The following GFI1B variants were observed in gnomAD, a reference collection of about 807,000 sequenced individuals.
The protein encoded by GFI1B is zinc finger protein Gfi-1b.
A neutral mutation model predicts 35.3 loss-of-function variants in GFI1B; 20 were observed. The ratio of observed to expected loss-of-function variants is 0.57; its 90% CI spans 0.40 to 0.82. GFI1B has a LOEUF of 0.82. Among genes scored for constraint, GFI1B ranks in the 40% least tolerant of loss-of-function variants. GFI1B has a pLI of 0.00. For missense variants in GFI1B, 430 were observed against 446.3 expected (o/e 0.96, Z 0.33); for synonymous variants, 178 against 177.6 (o/e 1.00, Z -0.02).
At chr9:132,970,971 A>G (rs1848524744) in intron 1 of GFI1B, among the ~76,000 whole-genome samples, 1 of 152,242 alleles carries the variant, frequency 6.6e-6, no homozygotes, top group South Asian at 2.1e-4. Flanking sequence ...CCCTGCCGCA[A>G]CTAAGACTGC....
chr9:132,978,157 A>C (rs931657126), upstream of GFI1B, among the ~76,000 whole-genome samples: 1 of 148,724 alleles, frequency 6.7e-6, no homozygotes, highest in Non-Finnish European at 1.5e-5. Context: ...GGAGGGAGGA[A>C]AGGAGGGAAG....
chr9:132,978,190 AGGAG>A (rs1188113275), upstream of GFI1B, among the ~76,000 whole-genome samples: 3 of 142,876 alleles, frequency 2.1e-5, no homozygotes, highest in Non-Finnish European at 3.1e-5. Flanking sequence ...GAGGAGGAGA[AGGAG>A]GGAGGGAGGG....
chr9:132,974,601 C>CAA (rs11243966), upstream of GFI1B, among the ~76,000 whole-genome samples: 8,743 of 79,192 alleles, frequency 0.11, 682 homozygotes, highest in African/African-American at 0.15. Context: ...GAATCCGTCT[C>CAA]AAAAAAAAAA....
intron 1 of GFI1B, chr9:132,953,702 C>T (rs1344657530): frequency 8.5e-5 from 13 of 152,114 alleles, no homozygotes; most frequent in Non-Finnish European, 1.6e-4. Flanking sequence ...AATCCCAGCA[C>T]TTTGGGAGGC....
intron 1 of GFI1B, chr9:132,946,666 T>A (rs1236868874): frequency 6.6e-6 from 1 of 152,306 alleles, no homozygotes; most frequent in African/African-American, 2.4e-5. Flanking sequence ...CAGAGATTTC[T>A]GAGACCACCA....
intron 1 of GFI1B, among the ~76,000 whole-genome samples, chr9:132,969,176 G>C (rs188691445): frequency 1.3e-5 from 2 of 151,878 alleles, no homozygotes; most frequent in Admixed American, 1.3e-4. Context: ...CTACAGGCGC[G>C]CACCACCAGG....
intron 2 of GFI1B, among the ~76,000 whole-genome samples, chr9:132,973,245 G>A (rs28372283): frequency 0.051 from 7,840 of 152,236 alleles, 329 homozygotes; most frequent in East Asian, 0.17. Flanking sequence ...TCGTAGCCCC[G>A]GTGCCACCCG....
chr9:132,947,316 A>C (rs1848129328), intron 1 of GFI1B: 1 of 151,948 alleles, frequency 6.6e-6, no homozygotes, highest in African/African-American at 2.4e-5. Flanking sequence ...CCCAGGCCAC[A>C]GCAGGTGGAC....
At chr9:132,964,798 G>A (rs1289293143) in intron 1 of GFI1B, among the ~76,000 whole-genome samples, 1 of 143,882 alleles carries the variant, frequency 7.0e-6, no homozygotes, top group Non-Finnish European at 1.5e-5. Context: ...GGAGTGCAGT[G>A]GCGTGATCTC....
In GFI1B at chr9:132,989,941, C is replaced by T. The variant is rs758496657; in HGVS notation, c.814+34C>T. The T allele has an allele frequency of 1.3e-6, 2 of 1,591,502 alleles. No individual in the cohort carries two copies. Among genetic ancestry groups the T allele is most frequent in the South Asian group, 2.2e-5 (2 of 90,564 alleles). ...GTCTCACCTGCCTGTGCCCCCTGGGCAGAGCACCCCCACCTTTCCCTGAGA... is the reference window on the plus strand; with the variant it reads ...GTCTCACCTGCCTGTGCCCCCTGGGTAGAGCACCCCCACCTTTCCCTGAGA... On this transcript the variant is annotated intron_variant, in intron 6 of 6. Transcript: ENST00000372122. This position sits in a 1 kb window ranked among gnomAD's most constrained non-coding sequence, Gnocchi z 6.2.
chr9:132,973,698 G>A (rs1848573680), upstream of GFI1B, among the ~76,000 whole-genome samples: 1 of 152,202 alleles, frequency 6.6e-6, no homozygotes. Context: ...AGGGGAACAG[G>A]TGAGGCAAGA....
chr9:132,947,845 C>A (rs1255964378), intron 1 of GFI1B, among the ~76,000 whole-genome samples: 2 of 148,484 alleles, frequency 1.3e-5, no homozygotes, highest in East Asian at 2.0e-4. Flanking sequence ...ACTAAAGTGA[C>A]ATACAGGAAT....
intron 1 of GFI1B, chr9:132,946,577 A>G (rs1454298009): frequency 6.6e-6 from 1 of 152,206 alleles, no homozygotes; most frequent in Non-Finnish European, 1.5e-5. Flanking sequence ...AGTTCCACCA[A>G]TCTGCAAACT....
intron 1 of GFI1B, among the ~76,000 whole-genome samples, chr9:132,957,855 A>G (rs1424874666): frequency 6.6e-6 from 1 of 152,218 alleles, no homozygotes; most frequent in Non-Finnish European, 1.5e-5. Context: ...GAGGCAAGAA[A>G]TACTAATGTC....
In GFI1B at chr9:132,989,719, C is replaced by G. The variant is rs771432303; in HGVS notation, c.649-23C>G. On this transcript the variant is annotated intron_variant, in intron 5 of 6. Transcript: ENST00000372122. This position sits in a 1 kb window ranked among gnomAD's most constrained non-coding sequence, Gnocchi z 6.2. ...AGTCCTGAGCCTGCACCTGACCCCC[C>G]GGGGCCTCATTTCCTCCGGCAGGAG... 2.5e-5 allele frequency: 41 copies of G among 1,609,230 alleles called. No homozygotes were observed. In the African/African-American group the frequency reaches 3.2e-4, roughly 13 times the overall value.
intron 1 of GFI1B, among the ~76,000 whole-genome samples, chr9:132,968,934 G>A (rs931944100): frequency 1.3e-5 from 2 of 152,076 alleles, no homozygotes; most frequent in South Asian, 4.2e-4. Flanking sequence ...TTTTCATCTC[G>A]CAAAACCAAA....
At chr9:132,988,590 C>A in intron 4 of GFI1B, 122 bp downstream of exon 4, 1 of 905,636 alleles carries the variant, frequency 1.1e-6, no homozygotes, top group South Asian at 1.6e-5. Context: ...ATTAAGGATT[C>A]AAAACGTTCA....
chr9:132,989,383 T>C lies in GFI1B; in HGVS notation c.648+185T>C, dbSNP rs55942261. Among the ~76,000 whole-genome samples, 1,496 of 152,202 alleles carry C rather than the reference T, an allele frequency of 9.8e-3. 26 individuals carry two copies. The highest frequency in any genetic ancestry group is 0.034 in the African/African-American group (1,417 of 41,524). ...CACCTGCCCTTAACAAACTTCAGAC[T>C]CTTAACTAAACCACCGTGCAGACCA... On this transcript the variant is annotated intron_variant, in intron 5 of 6. Coordinates refer to ENST00000372122, the MANE Select transcript of GFI1B (RefSeq NM_001377304.1). This position sits in a 1 kb window ranked among gnomAD's most constrained non-coding sequence, Gnocchi z 6.2.
At chr9:132,993,331 T>C (rs1296256087), downstream of GFI1B, among the ~76,000 whole-genome samples, 2 of 152,044 alleles carry the variant, frequency 1.3e-5, no homozygotes, top group Non-Finnish European at 2.9e-5. Context: ...ATACTAGGGC[T>C]TACCCTTTCC....
Sources: gnomAD v4.1 joint callset for allele counts (sites outside exome capture counted in the v4.1 genomes callset) on GRCh38, gnomAD v4.1.1 for gene constraint, Gnocchi (gnomAD v3.1) non-coding constraint, MANE v1.5 for transcripts, NCBI Gene and HGNC (gene_info 2026-07-23, HGNC 2026-07-21) for gene names.